The following MRGPRX3 variants were observed in gnomAD, a reference collection of about 807,000 sequenced individuals.
The protein encoded by MRGPRX3 is mas-related G protein-coupled receptor member X3.
Under a neutral mutation model 16.5 loss-of-function variants are expected in MRGPRX3, and 14 were observed. The observed-to-expected ratio is 0.85, with a 90% CI of 0.56 to 1.33. The LOEUF is 1.33. Among genes scored for constraint, MRGPRX3 ranks in the 40% most tolerant of loss-of-function variants. The pLI is 0.00. For synonymous variants in MRGPRX3, 199 were observed against 180.1 expected (o/e 1.10, Z -0.84); for missense variants, 449 against 413.0 (o/e 1.09, Z -0.76).
Position 18,137,349 on chromosome 11 carries a change from C to T in MRGPRX3, c.147C>T (p.Leu49=). The part of the protein sequence containing the change: ...LVALTGNAVV[L]WLLGCRMRRN... Reference sequence around the variant, plus strand: ...CGCTGACAGGAAACGCGGTTGTGCTCTGGCTCCTGGGCTGCCGCATGCGCA... The same window carrying T: ...CGCTGACAGGAAACGCGGTTGTGCTTTGGCTCCTGGGCTGCCGCATGCGCA... The change falls in exon 2 of 2, where the codon CTC becomes CTT. Residue 49 remains leucine, a synonymous_variant. Coordinates refer to ENST00000621697, the MANE Select transcript of MRGPRX3 (RefSeq NM_001370464.1). 2 of 1,614,236 alleles carry T rather than the reference C, an allele frequency of 1.2e-6. No individual in the cohort carries two copies. The highest frequency in any genetic ancestry group is 1.7e-6 in the Non-Finnish European group (2 of 1,180,046).
rs544437922 is a variant in MRGPRX3, at chr11:18,135,670, A to T, written c.-25-1508A>T. On this transcript the variant is annotated intron_variant, in intron 1 of 1. Coordinates refer to ENST00000621697, the MANE Select transcript of MRGPRX3 (RefSeq NM_001370464.1). ...CTCTATCTGGAGTTTGTTTAGGTTAATTTTTTTTTTCAGCCCACAATTTTG... is the reference window on the plus strand; with the variant it reads ...CTCTATCTGGAGTTTGTTTAGGTTATTTTTTTTTTTCAGCCCACAATTTTG... 2.0e-4 allele frequency among the ~76,000 whole-genome samples: 30 copies of T among 149,526 alleles called. No individual in the cohort carries two copies. In the East Asian group the frequency reaches 5.1e-3, roughly 25 times the overall value.
At chr11:18,132,073 T>C (rs1021979101), upstream of MRGPRX3, among the ~76,000 whole-genome samples, 3 of 152,220 alleles carry the variant, frequency 2.0e-5, no homozygotes, top group East Asian at 1.9e-4. Flanking sequence ...ATAATAATAA[T>C]AAATGATTTA....
In MRGPRX3 at chr11:18,137,248, A is replaced by C. The variant is rs145949351; in HGVS notation, c.46A>C (p.Asn16His). ...CTTGGGTACAGAACTGACACCAATC[A>C]ACGGACGTGAGGAGACTCCTTGCTA... The part of the protein sequence containing the change: ...PVLGTELTPI[N>H]GREETPCYKQ... Residue 16 changes from asparagine (N) to histidine (H), a missense_variant, in exon 2 of 2, where the codon AAC becomes CAC. Transcript: ENST00000621697. The C allele has an allele frequency of 1.1e-5, 17 of 1,613,090 alleles. No homozygotes were observed. In the African/African-American group the frequency reaches 2.3e-4, roughly 22 times the overall value.
At chr11:18,125,200 C>CT in intron 1 of MRGPRX3, among the ~76,000 whole-genome samples, 1 of 152,164 alleles carries the variant, frequency 6.6e-6, no homozygotes, top group African/African-American at 2.4e-5. Context: ...CAGTTCTACT[C>CT]TGATCTTAGT....
intron 1 of MRGPRX3, among the ~76,000 whole-genome samples, chr11:18,126,023 TG>T (rs1848891544): frequency 1.3e-5 from 2 of 152,180 alleles, no homozygotes; most frequent in Non-Finnish European, 2.9e-5. Flanking sequence ...CTGCTTTTTT[TG>T]TTTTCTTTCC....
At chr11:18,127,707 T>C (rs1012065790), upstream of MRGPRX3, among the ~76,000 whole-genome samples, 1 of 152,220 alleles carries the variant, frequency 6.6e-6, no homozygotes, top group Non-Finnish European at 1.5e-5. Flanking sequence ...TTCTTTGCCA[T>C]GGGTTCGAAC....
chr11:18,131,848 A>T (rs2445195), upstream of MRGPRX3, among the ~76,000 whole-genome samples: 1 of 152,054 alleles, frequency 6.6e-6, no homozygotes, highest in Non-Finnish European at 1.5e-5. Context: ...ACAAGTGGGG[A>T]CTAAGCTGTG....
At position 18,137,370 on chromosome 11, in the gene MRGPRX3, G is replaced by T; in HGVS notation, c.168G>T (p.Met56Ile). The change falls in exon 2 of 2, where the codon ATG becomes ATT. Residue 56 changes from methionine (M) to isoleucine (I), a missense_variant. Met to Ile is a conservative substitution (Grantham distance 10). Coordinates refer to ENST00000621697, the MANE Select transcript of MRGPRX3 (RefSeq NM_001370464.1). Reference protein sequence around the residue: ...AVVLWLLGCRMRRNAVSIYIL... With the variant: ...AVVLWLLGCRIRRNAVSIYIL... ...TGCTCTGGCTCCTGGGCTGCCGCAT[G>T]CGCAGGAACGCTGTCTCCATCTACA... 1 of 1,614,218 alleles carries T rather than the reference G, an allele frequency of 6.2e-7. No individual in the cohort carries two copies.
intron 1 of MRGPRX3, among the ~76,000 whole-genome samples, chr11:18,125,765 T>A (rs1314361833): frequency 1.3e-5 from 2 of 152,192 alleles, no homozygotes; most frequent in African/African-American, 4.8e-5. Context: ...GTCTTGTTGA[T>A]CTATCTAATA....
chr11:18,129,338 G>A (rs1046654400), upstream of MRGPRX3, among the ~76,000 whole-genome samples: 8 of 152,090 alleles, frequency 5.3e-5, no homozygotes, highest in Non-Finnish European at 1.2e-4. Context: ...AGCTCAATTA[G>A]GAATGAAACA....
chr11:18,129,379 C>G (rs749981099), upstream of MRGPRX3, among the ~76,000 whole-genome samples: 38 of 152,244 alleles, frequency 2.5e-4, no homozygotes, highest in Admixed American at 5.9e-4. Flanking sequence ...TATAGAAATA[C>G]AAAAGATCTT....
At position 18,138,067 on chromosome 11, in the gene MRGPRX3, C is replaced by G. The variant is rs1264015343; in HGVS notation, c.865C>G (p.Leu289Val). ...RQRQNRQNLK[L>V]VLQRALQDTP... is the part of the protein sequence containing the mutation. ...GCGTCAAAATAGGCAGAACCTGAAG[C>G]TGGTTCTCCAGAGGGCTCTGCAGGA... The change falls in exon 2 of 2, where the codon CTG becomes GTG. Residue 289 changes from leucine to valine, a missense_variant. Leu to Val is a conservative substitution (Grantham distance 32). Transcript: ENST00000621697. 10 of 1,614,194 alleles carry G rather than the reference C, an allele frequency of 6.2e-6. No homozygotes were observed. The highest frequency in any genetic ancestry group is 8.5e-6 in the Non-Finnish European group (10 of 1,180,048).
At chr11:18,130,220 A>G (rs1451228082), upstream of MRGPRX3, among the ~76,000 whole-genome samples, 1 of 152,118 alleles carries the variant, frequency 6.6e-6, no homozygotes, top group Non-Finnish European at 1.5e-5. Flanking sequence ...ACCCAAATCA[A>G]TAAAGAGGAA....
At position 18,137,553 on chromosome 11, in the gene MRGPRX3, C is replaced by A; in HGVS notation, c.351C>A (p.Ser117Arg). 1 of 1,614,194 alleles carries A rather than the reference C, an allele frequency of 6.2e-7. No individual in the cohort carries two copies. Residue 117 changes from serine to arginine, a missense_variant, in exon 2 of 2, where the codon AGC becomes AGA. Ser to Arg is a moderately radical substitution (Grantham distance 110). Coordinates refer to ENST00000621697, the MANE Select transcript of MRGPRX3 (RefSeq NM_001370464.1). The stretch of plus-strand genomic sequence containing the variant: ...GCCTAAGCATGCTGAGCGCCATCAG[C>A]ACCGAGCGCTGCCTGTCCATCCTGT... ...FIGLSMLSAI[S>R]TERCLSILWP...
At chr11:18,125,593 G>T (rs55867169) in intron 1 of MRGPRX3, among the ~76,000 whole-genome samples, 2 of 152,028 alleles carry the variant, frequency 1.3e-5, no homozygotes, top group African/African-American at 4.8e-5. Flanking sequence ...TTGCTGAGGA[G>T]TGTTTTACTT....
intron 1 of MRGPRX3, among the ~76,000 whole-genome samples, chr11:18,135,148 G>A (rs1392983986): frequency 6.6e-6 from 1 of 152,082 alleles, no homozygotes; most frequent in Non-Finnish European, 1.5e-5. Flanking sequence ...AATTCTCTAG[G>A]CCTTAGCTTC....
At chr11:18,135,053 C>G (rs1848996078) in intron 1 of MRGPRX3, among the ~76,000 whole-genome samples, 1 of 152,158 alleles carries the variant, frequency 6.6e-6, no homozygotes, top group Non-Finnish European at 1.5e-5. Context: ...GGGCAGAGAA[C>G]AGAACTGGAG....
At position 18,138,280 on chromosome 11, in the gene MRGPRX3, G is replaced by T. The variant is rs994221284; in HGVS notation, c.*109G>T. On this transcript the variant is annotated 3_prime_UTR_variant, in exon 2 of 2. Transcript: ENST00000621697. The stretch of plus-strand genomic sequence containing the variant: ...CTTCTGCCTCAGAAATGTCTCAGTG[G>T]TCCCTCAAGGTCTTCGAATAGATGT... 4.0e-6 allele frequency: 6 copies of T among 1,489,584 alleles called. No individual in the cohort carries two copies. The highest frequency in any genetic ancestry group is 5.4e-6 in the Non-Finnish European group (6 of 1,112,896). The allele number at this position is 1,489,584 out of a possible 1,614,324, so 92.3% of individuals were successfully genotyped here. A position where few individuals can be genotyped will look rare whatever the true frequency, so the allele number is the denominator to read the frequency against.
rs1848973827 is a variant in MRGPRX3, at chr11:18,132,749, A to C, written c.-26+10A>C. The C allele has an allele frequency of 6.6e-6, 1 of 152,372 alleles. No individual in the cohort carries two copies. The highest frequency in any genetic ancestry group is 1.9e-4 in the East Asian group (1 of 5,188). The allele number at this position is 152,372 out of a possible 1,614,324, so 9.4% of individuals were successfully genotyped here. On this transcript the variant is annotated intron_variant, in intron 1 of 1. Coordinates refer to ENST00000621697, the MANE Select transcript of MRGPRX3 (RefSeq NM_001370464.1). ...AGAAGGAACGATAAGGGTAAGTACC[A>C]AGAACTCTCTTCTTCCACAGTCAGT... is the stretch of plus-strand genomic sequence containing the variant.
Sources: gnomAD v4.1 joint callset for allele counts (sites outside exome capture counted in the v4.1 genomes callset) on GRCh38, gnomAD v4.1.1 for gene constraint, MANE v1.5 for transcripts, NCBI Gene and HGNC (gene_info 2026-07-23, HGNC 2026-07-21) for gene names.